The following ABI3BP variants were observed in gnomAD, a reference collection of about 807,000 sequenced individuals.
ABI3BP encodes the protein ABI family member 3 binding protein, also known as target of Nesh-SH3.
In ABI3BP, 216 loss-of-function variants were observed where a neutral mutation model predicts 268.6. The observed-to-expected ratio is 0.80, with a 90% CI of 0.72 to 0.90. ABI3BP has a LOEUF of 0.90. ABI3BP is among the 40% of genes least tolerant of loss of function. ABI3BP has a pLI of 0.00. For missense variants in ABI3BP, 2,090 were observed against 2,182.4 expected (o/e 0.96, Z 0.84); for synonymous variants, 730 against 730.0 (o/e 1.00, Z 0.00).
intron 53 of ABI3BP, among the ~76,000 whole-genome samples, chr3:100,795,420 A>C (rs2097316287): frequency 6.6e-6 from 1 of 152,080 alleles, no homozygotes; most frequent in Non-Finnish European, 1.5e-5. Flanking sequence ...GGGAATTTTC[A>C]GTATTTTGAC....
At chr3:100,911,759 G>C in intron 2 of ABI3BP, 1 of 989,668 alleles carries the variant, frequency 1.0e-6, no homozygotes. Context: ...GATGAGTAGC[G>C]TAGCTTTCTG....
chr3:100,780,282 G>C, intron 57 of ABI3BP, 73 bp from the exon 58 acceptor site: 1 of 1,376,824 alleles, frequency 7.3e-7, no homozygotes, highest in Non-Finnish European at 1.0e-6. Flanking sequence ...AGAGTTGCCA[G>C]TAATAACGTA....
chr3:100,873,971 G>A (rs567763655), intron 9 of ABI3BP, among the ~76,000 whole-genome samples: 21 of 152,290 alleles, frequency 1.4e-4, no homozygotes, highest in African/African-American at 5.1e-4. Context: ...CTAGCTCAGG[G>A]AATACATTCT....
chr3:100,917,012 T>C (rs1443974841), intron 2 of ABI3BP, among the ~76,000 whole-genome samples: 2 of 152,226 alleles, frequency 1.3e-5, no homozygotes, highest in Admixed American at 6.5e-5. Context: ...ACAGGGTATA[T>C]AGTTACTTTA....
chr3:100,891,696 T>G (rs911774362), intron 4 of ABI3BP, among the ~76,000 whole-genome samples: 2 of 152,210 alleles, frequency 1.3e-5, no homozygotes, highest in African/African-American at 2.4e-5. Flanking sequence ...GCAAAGAAGC[T>G]TCAAGAGCTG....
chr3:100,867,640 C>CAAAAAAAAAAAAAAAA (rs5851230), intron 9 of ABI3BP, among the ~76,000 whole-genome samples: 2 of 64,228 alleles, frequency 3.1e-5, no homozygotes, highest in Admixed American at 2.3e-4. Flanking sequence ...GACCCCGTCT[C>CAAAAAAAAAAAAAAAA]AAAAAAAAAA....
intron 4 of ABI3BP, among the ~76,000 whole-genome samples, chr3:100,892,094 T>C (rs1237432226): frequency 3.9e-5 from 6 of 152,240 alleles, no homozygotes; most frequent in Non-Finnish European, 2.9e-5. Flanking sequence ...GACTCAGATA[T>C]GCATTGAGGT....
At chr3:100,766,589 C>T (rs1226693648) in intron 62 of ABI3BP, among the ~76,000 whole-genome samples, 1 of 152,154 alleles carries the variant, frequency 6.6e-6, no homozygotes, top group Non-Finnish European at 1.5e-5. Flanking sequence ...AATTAATGTC[C>T]TTAAAGTCTG....
At chr3:100,981,486 G>A (rs2089418835) in intron 1 of ABI3BP, among the ~76,000 whole-genome samples, 1 of 152,102 alleles carries the variant, frequency 6.6e-6, no homozygotes, top group African/African-American at 2.4e-5. Flanking sequence ...AAGAGGGAGT[G>A]CAGAAAAAGA....
At chr3:100,887,350 A>G (rs2042456270) in intron 4 of ABI3BP, among the ~76,000 whole-genome samples, 1 of 152,102 alleles carries the variant, frequency 6.6e-6, no homozygotes, top group South Asian at 2.1e-4. Flanking sequence ...TGGTGCATAT[A>G]GTTTCCTATC....
chr3:100,753,774 AT>A, intron 65 of ABI3BP, 44 bp downstream of exon 65: 1 of 1,601,124 alleles, frequency 6.2e-7, no homozygotes, highest in African/African-American at 1.3e-5. Flanking sequence ...AGTTGAATAA[AT>A]TTAGAAAAGC....
At chr3:100,756,008 T>G (rs1422810257) in intron 63 of ABI3BP, among the ~76,000 whole-genome samples, 1 of 152,256 alleles carries the variant, frequency 6.6e-6, no homozygotes, top group East Asian at 1.9e-4. Flanking sequence ...TCTTGATCAC[T>G]GAGGTATTGT....
intron 1 of ABI3BP, among the ~76,000 whole-genome samples, chr3:100,980,854 G>C (rs970352287): frequency 6.6e-6 from 1 of 152,172 alleles, no homozygotes; most frequent in Admixed American, 6.5e-5. Flanking sequence ...TTGAACTCAA[G>C]ATCCAACTCA....
At chr3:100,786,567 T>C (rs2097052712) in intron 57 of ABI3BP, among the ~76,000 whole-genome samples, 1 of 152,182 alleles carries the variant, frequency 6.6e-6, no homozygotes, top group Non-Finnish European at 1.5e-5. Context: ...TTCATTTGCT[T>C]GGTTGACATC....
chr3:100,891,446 C>T (rs1404655876), intron 4 of ABI3BP, among the ~76,000 whole-genome samples: 2 of 152,174 alleles, frequency 1.3e-5, no homozygotes, highest in African/African-American at 4.8e-5. Context: ...ACTGCATTAA[C>T]CATTTTACAT....
chr3:100,785,991 AT>A (rs1339347642), intron 57 of ABI3BP, among the ~76,000 whole-genome samples: 1 of 152,126 alleles, frequency 6.6e-6, no homozygotes, highest in African/African-American at 2.4e-5. Flanking sequence ...GATGAATTCC[AT>A]TTGGTTGCTA....
intron 1 of ABI3BP, among the ~76,000 whole-genome samples, chr3:100,985,403 C>A (rs958502800): frequency 2.0e-5 from 3 of 152,050 alleles, no homozygotes; most frequent in Non-Finnish European, 4.4e-5. Context: ...CCCGCCTTGG[C>A]CTCCCAAAGT....
intron 47 of ABI3BP, 91 bp downstream of exon 47, chr3:100,811,637 C>T (rs1578573916): frequency 3.8e-6 from 5 of 1,301,600 alleles, no homozygotes; most frequent in Non-Finnish European, 5.3e-6. Context: ...AATCAAGTAC[C>T]ACAGCTTGAA....
chr3:100,785,970 T>C (rs1326914379), intron 57 of ABI3BP, among the ~76,000 whole-genome samples: 1 of 152,208 alleles, frequency 6.6e-6, no homozygotes, highest in Non-Finnish European at 1.5e-5. Context: ...GAGCCAACCT[T>C]GCATTCCTAG....
Sources: allele counts gnomAD v4.1 joint callset (sites outside exome capture counted in the v4.1 genomes callset), GRCh38; gene constraint gnomAD v4.1.1; transcripts MANE v1.5; gene names NCBI Gene and HGNC (gene_info 2026-07-23, HGNC 2026-07-21).